ASXL1: variants seen among roughly 807,000 people sequenced by gnomAD.
ASXL1 encodes polycomb group protein ASXL1.
Under a neutral mutation model 89.1 loss-of-function variants are expected in ASXL1, and 65 were observed. The ratio of observed to expected loss-of-function variants is 0.73; its 90% confidence interval spans 0.60 to 0.90. ASXL1 has a LOEUF of 0.90. Among genes scored for constraint, ASXL1 ranks in the 40% least tolerant of loss-of-function variants. The probability of loss-of-function intolerance (pLI) is 0.00; values close to 1 mark genes in which losing one functional copy is unlikely to be tolerated. For synonymous variants in ASXL1, 739 were observed against 746.9 expected (o/e 0.99, Z 0.17); for missense variants, 1,786 against 1,942.9 (o/e 0.92, Z 1.52).
At chr20:32,372,394 T>G (rs2048312923) in intron 4 of ASXL1, 1 of 1,123,278 alleles carries the variant, frequency 8.9e-7, no homozygotes, top group Non-Finnish European at 1.1e-6. Context: ...AGGCATCACT[T>G]CTCTGATATT....
In ASXL1 at chr20:32,436,677, C is replaced by T. The variant is rs141930107; in HGVS notation, c.3965C>T (p.Pro1322Leu). The part of the protein sequence containing the change: ...ATLQRPRPAD[P>L]MPLPAEIPPV... ...CTTCAGCGCCCCAGGCCTGCGGACC[C>T]GATGCCTCTTCCTGCTGAGATCCCT... The change falls in exon 13 of 13, where the codon CCG becomes CTG. Residue 1322 changes from proline (P) to leucine (L), a missense_variant. Around this residue, in one of 3 missense-constraint regions of ASXL1, gnomAD observed 1,418 missense variants for 1,427.8 expected, o/e 0.99. Coordinates refer to ENST00000375687, the MANE Select transcript of ASXL1 (RefSeq NM_015338.6). 18 of 1,613,882 alleles carry T rather than the reference C, an allele frequency of 1.1e-5. No individual in the cohort carries two copies. The East Asian group carries it at 1.6e-4, about 14-fold the overall frequency.
intron 4 of ASXL1, among the ~76,000 whole-genome samples, chr20:32,421,517 A>C (rs921463213): frequency 1.3e-5 from 2 of 151,062 alleles, no homozygotes; most frequent in Admixed American, 1.3e-4. Flanking sequence ...TTCTACTCCT[A>C]GATAGTTATT....
chr20:32,379,289 GTTC>G (rs2048445798), intron 4 of ASXL1, among the ~76,000 whole-genome samples: 1 of 142,720 alleles, frequency 7.0e-6, no homozygotes, highest in South Asian at 2.2e-4. Context: ...GGTTCAAGCA[GTTC>G]TTCTGCCTTA....
intron 4 of ASXL1, among the ~76,000 whole-genome samples, chr20:32,400,273 TTTGA>T (rs2123049402): frequency 6.6e-6 from 1 of 152,332 alleles, no homozygotes; most frequent in South Asian, 2.1e-4. Context: ...CCTGGTGATC[TTTGA>T]TTGGATTTCA....
chr20:32,387,634 T>C (rs1171530898), intron 4 of ASXL1, among the ~76,000 whole-genome samples: 2 of 152,232 alleles, frequency 1.3e-5, no homozygotes, highest in African/African-American at 2.4e-5. Flanking sequence ...CTGTCTGCAG[T>C]TCAGGGGATG....
chr20:32,407,722 C>T (rs2048979761), intron 4 of ASXL1, among the ~76,000 whole-genome samples: 1 of 152,210 alleles, frequency 6.6e-6, no homozygotes. Flanking sequence ...ACCTCAGCCT[C>T]CCAAAGTGCT....
At chr20:32,392,336 G>A (rs1017120559) in intron 4 of ASXL1, among the ~76,000 whole-genome samples, 2 of 149,816 alleles carry the variant, frequency 1.3e-5, no homozygotes, top group African/African-American at 4.9e-5. Context: ...ACTCTGGAGT[G>A]CAGTGGCGCA....
rs2011591745 is a variant in ASXL1 at position 32,433,405 on chromosome 20, C to G, written c.1207C>G (p.Gln403Glu). The G allele has an allele frequency of 1.9e-6, 3 of 1,614,048 alleles. No homozygotes were observed. The highest frequency in any genetic ancestry group is 3.3e-5 in the Admixed American group (2 of 60,002). Residue 403 changes from glutamine (Q) to glutamate (E), a missense_variant, in exon 12 of 13, where the codon CAG becomes GAG. Around this residue, in one of 3 missense-constraint regions of ASXL1, gnomAD observed 1,418 missense variants for 1,427.8 expected, o/e 0.99. Coordinates refer to ENST00000375687, the MANE Select transcript of ASXL1 (RefSeq NM_015338.6). ...TATACAGCGTGGTCCAGCCACCCGA[C>G]AGCGAGATGGGCATTTTAAGAAACG... ...VRIQRGPATR[Q>E]RDGHFKKRSR...
At chr20:32,374,721 A>T (rs540212660) in intron 4 of ASXL1, among the ~76,000 whole-genome samples, 2 of 152,292 alleles carry the variant, frequency 1.3e-5, no homozygotes, top group Admixed American at 1.3e-4. Flanking sequence ...GCAGGCATTT[A>T]GTTTATTGTT....
rs770729151 is a variant in ASXL1 at position 32,433,002 on chromosome 20, T to C, written c.1085+17T>C. 1.2e-6 allele frequency: 2 copies of C among 1,613,244 alleles called. No individual in the cohort carries two copies. The highest frequency in any genetic ancestry group is 1.7e-6 in the Non-Finnish European group (2 of 1,179,942). Reference sequence around the variant, plus strand: ...TGGACAGAAGTAAGGCAGTTGGAGCTATGAGTCCTGGTCTGGGGTTTTGAG... The same window carrying C: ...TGGACAGAAGTAAGGCAGTTGGAGCCATGAGTCCTGGTCTGGGGTTTTGAG... On this transcript the variant is annotated intron_variant, in intron 11 of 12. Transcript: ENST00000375687.
chr20:32,400,181 A>G (rs566871199), intron 4 of ASXL1, among the ~76,000 whole-genome samples: 72 of 151,992 alleles, frequency 4.7e-4, no homozygotes, highest in African/African-American at 1.7e-3. Flanking sequence ...GTCCTTGTGT[A>G]CTCATTCTAA....
chr20:32,396,795 C>T (rs926581817), intron 4 of ASXL1, among the ~76,000 whole-genome samples: 15 of 152,114 alleles, frequency 9.9e-5, no homozygotes, highest in African/African-American at 3.4e-4. Context: ...CTCATTCTCT[C>T]TCAGTATACA....
In ASXL1 at chr20:32,429,495, T is replaced by A; in HGVS notation, c.565+64T>A. 6.6e-7 allele frequency: 1 copy of A among 1,525,076 alleles called. No homozygotes were observed. Among genetic ancestry groups the A allele is most frequent in the Non-Finnish European group, 9.1e-7 (1 of 1,099,996 alleles). 94.5% of individuals were successfully genotyped at this position (1,525,076 alleles called of 1,614,324 possible). On this transcript the variant is annotated intron_variant, in intron 7 of 12. Transcript: ENST00000375687. This position sits in a 1 kb window ranked among gnomAD's most constrained non-coding sequence, Gnocchi z 4.9. ...GTCCTGGGGACCTGGCCTCCCTCTGTCAGCAGTTTCTGACCTAATAGTGCG... is the reference window on the plus strand; with the variant it reads ...GTCCTGGGGACCTGGCCTCCCTCTGACAGCAGTTTCTGACCTAATAGTGCG...
At chr20:32,386,259 C>T (rs774143843) in intron 4 of ASXL1, among the ~76,000 whole-genome samples, 1 of 152,084 alleles carries the variant, frequency 6.6e-6, no homozygotes, top group Non-Finnish European at 1.5e-5. Context: ...GTTCTCAGTG[C>T]CAACAGTTGA....
intron 4 of ASXL1, among the ~76,000 whole-genome samples, chr20:32,378,498 G>A (rs2048427322): frequency 6.6e-6 from 1 of 152,154 alleles, no homozygotes; most frequent in Admixed American, 6.6e-5. Flanking sequence ...AGTGCTTGGA[G>A]CTAGTCCTCA....
chr20:32,395,263 A>G (rs755124787), intron 4 of ASXL1, among the ~76,000 whole-genome samples: 5 of 152,182 alleles, frequency 3.3e-5, no homozygotes, highest in Admixed American at 6.5e-5. Context: ...TTAGAAAGAT[A>G]TATTCCTTTG....
At chr20:32,401,423 T>G (rs1569285055) in intron 4 of ASXL1, among the ~76,000 whole-genome samples, 1 of 152,162 alleles carries the variant, frequency 6.6e-6, no homozygotes, top group Non-Finnish European at 1.5e-5. Context: ...AATTTTATCT[T>G]TCTCAGAATG....
At position 32,428,486 on chromosome 20, in the gene ASXL1, CCTT is replaced by C; in HGVS notation, c.471+67_471+69del. 5.6e-6 allele frequency: 8 copies of C among 1,428,792 alleles called. No individual in the cohort carries two copies. The South Asian group carries it at 5.8e-5, about 10-fold the overall frequency. 88.5% of individuals were successfully genotyped at this position (1,428,792 alleles called of 1,614,324 possible). ...ATGACAGGTATAAGGCAAGATCCCT[CCTT>C]CTCCTGTAGTGAGCTGTGAACATGT... On this transcript the variant is annotated intron_variant, in intron 6 of 12. Transcript: ENST00000375687.
At chr20:32,383,975 C>T (rs917264178) in intron 4 of ASXL1, among the ~76,000 whole-genome samples, 2 of 152,166 alleles carry the variant, frequency 1.3e-5, no homozygotes, top group Non-Finnish European at 2.9e-5. Context: ...AAAACCAGTA[C>T]AGACCTTCTG....
Sources: allele counts gnomAD v4.1 joint callset (sites outside exome capture counted in the v4.1 genomes callset), GRCh38; gene constraint gnomAD v4.1.1; regional missense constraint gnomAD v4.1.1; non-coding constraint Gnocchi (gnomAD v3.1); transcripts MANE v1.5; gene names NCBI Gene and HGNC (gene_info 2026-07-23, HGNC 2026-07-21).